The following IFNLR1 variants were observed in gnomAD, a reference collection of about 807,000 sequenced individuals.
The protein encoded by IFNLR1 is interferon lambda receptor 1.
Under a neutral mutation model 52.5 loss-of-function variants are expected in IFNLR1, and 28 were observed. That is an observed-to-expected ratio of 0.53 (90% CI 0.40 to 0.73). The LOEUF is 0.73. Ranked by LOEUF, IFNLR1 falls within the 30% of genes least tolerant of loss-of-function variation. The pLI is 0.00. For missense variants in IFNLR1, 623 were observed against 659.1 expected (o/e 0.95, Z 0.60); for synonymous variants, 276 against 274.9 (o/e 1.00, Z -0.04).
chr1:24,158,760 C>T (rs1176736598), intron 6 of IFNLR1, among the ~76,000 whole-genome samples: 1 of 152,198 alleles, frequency 6.6e-6, no homozygotes, highest in Non-Finnish European at 1.5e-5. Flanking sequence ...AGTGTCTCTC[C>T]TGAGGTCCAA....
intron 4 of IFNLR1, among the ~76,000 whole-genome samples, chr1:24,160,738 G>GT (rs372202562): frequency 1.3e-4 from 20 of 151,868 alleles, no homozygotes; most frequent in South Asian, 8.3e-4. Context: ...TTTATTTTTT[G>GT]TTTTTTTTGA....
intron 2 of IFNLR1, among the ~76,000 whole-genome samples, chr1:24,173,649 CTCTCTCTCTTTTTTTTAGAGACAGAG>C (rs1279895515): frequency 1.3e-5 from 2 of 149,816 alleles, no homozygotes; most frequent in Non-Finnish European, 3.0e-5. Context: ...CCTTCCTCCC[CTCTCTCTCTTTTTTTTAGAGACAGAG>C]TCTCACTCTG....
At chr1:24,164,434 T>A (rs1303984890) in intron 3 of IFNLR1, among the ~76,000 whole-genome samples, 1 of 152,240 alleles carries the variant, frequency 6.6e-6, no homozygotes, top group Non-Finnish European at 1.5e-5. Context: ...AGTGTTTCTG[T>A]GGATGTAAAC....
chr1:24,166,409 G>A (rs945091314), intron 3 of IFNLR1, among the ~76,000 whole-genome samples: 5 of 151,194 alleles, frequency 3.3e-5, no homozygotes, highest in African/African-American at 1.2e-4. Flanking sequence ...CTTCCTTCTT[G>A]TCTCTCCTTC....
In IFNLR1 at chr1:24,180,850, C is replaced by T; in HGVS notation, c.63G>A (p.Arg21=). ...LLCLLQAAPG[R]PRLAPPQNVT... The stretch of plus-strand genomic sequence containing the variant: ...CATTCTGGGGAGGGGCCAGACGGGG[C>T]CTCCCTGGGGGAAAGAAAGGGGTCA... Residue 21 remains arginine, a synonymous_variant, in exon 2 of 7, where the codon AGG becomes AGA. Coordinates refer to ENST00000327535, the MANE Select transcript of IFNLR1 (RefSeq NM_170743.4). The T allele has an allele frequency of 6.2e-7, 1 of 1,613,072 alleles. No individual in the cohort carries two copies.
chr1:24,154,524 T>A lies in IFNLR1; in HGVS notation c.*2606A>T, dbSNP rs1365240459. On this transcript the variant is annotated 3_prime_UTR_variant, in exon 7 of 7. Coordinates refer to ENST00000327535, the MANE Select transcript of IFNLR1 (RefSeq NM_170743.4). ...TCCTGGCTTTTTGTGAATGACTTAA[T>A]GACGATAAAGGAGATGGAGTTTAGA... 1 of 152,208 alleles carries A rather than the reference T, an allele frequency of 6.6e-6. No individual in the cohort carries two copies. Among genetic ancestry groups the A allele is most frequent in the Admixed American group, 6.5e-5 (1 of 15,282 alleles). The allele number at this position is 152,208 out of a possible 1,614,324, so 9.4% of individuals were successfully genotyped here. A position where few individuals can be genotyped will look rare whatever the true frequency, so the allele number is the denominator to read the frequency against.
intron 3 of IFNLR1, among the ~76,000 whole-genome samples, chr1:24,161,943 T>A (rs538705433): frequency 6.6e-6 from 1 of 152,342 alleles, no homozygotes; most frequent in Non-Finnish European, 1.5e-5. Flanking sequence ...CTGACCTGCC[T>A]TCTCTCATGC....
chr1:24,166,185 CCAT>C (rs1237783655), intron 3 of IFNLR1, among the ~76,000 whole-genome samples: 2 of 151,554 alleles, frequency 1.3e-5, no homozygotes, highest in Non-Finnish European at 2.9e-5. Flanking sequence ...TCCCATCCAT[CCAT>C]CCATCCATCC....
chr1:24,168,355 C>G (rs1390085675), intron 3 of IFNLR1, among the ~76,000 whole-genome samples: 2 of 152,186 alleles, frequency 1.3e-5, no homozygotes, highest in Non-Finnish European at 2.9e-5. Context: ...CTGTGAGAAG[C>G]CCGGGCAGCA....
chr1:24,166,826 C>G (rs1644525379), intron 3 of IFNLR1, among the ~76,000 whole-genome samples: 1 of 152,156 alleles, frequency 6.6e-6, no homozygotes, highest in South Asian at 2.1e-4. Flanking sequence ...ATCTTCCCAC[C>G]TTGGCCTCCC....
chr1:24,159,192 GA>G lies in IFNLR1; in HGVS notation c.671-11del. On this transcript the variant is annotated splice_polypyrimidine_tract_variant and intron_variant, in intron 5 of 6. Coordinates refer to ENST00000327535, the MANE Select transcript of IFNLR1 (RefSeq NM_170743.4). ...AAAGCCCAGTTGGCTTCTAAGGAAG[GA>G]AAAATAACAATGAGAGAAACAACAA... is the stretch of plus-strand genomic sequence containing the variant. 1 of 1,613,248 alleles carries G rather than the reference GA, an allele frequency of 6.2e-7. No individual in the cohort carries two copies. Among genetic ancestry groups the G allele is most frequent in the Non-Finnish European group, 8.5e-7 (1 of 1,179,730 alleles).
At chr1:24,175,273 C>T (rs940446373) in intron 2 of IFNLR1, among the ~76,000 whole-genome samples, 4 of 152,210 alleles carry the variant, frequency 2.6e-5, no homozygotes, top group East Asian at 1.9e-4. Flanking sequence ...ACCAGTGACT[C>T]GAGGGTAGGG....
Position 24,157,901 on chromosome 1 carries a change from G to A in IFNLR1, c.802-10C>T. 1 of 1,542,090 alleles carries A rather than the reference G, an allele frequency of 6.5e-7. No homozygotes were observed. The highest frequency in any genetic ancestry group is 2.3e-5 in the East Asian group (1 of 44,094). On this transcript the variant is annotated splice_polypyrimidine_tract_variant and intron_variant, in intron 6 of 6. Transcript: ENST00000327535. This position sits in a 1 kb window ranked among gnomAD's most constrained non-coding sequence, Gnocchi z 5.1. ...TGTGTCCAGAAAAGTCCTGATTTGG[G>A]TAGGGGAGAGAAAAGCAGAAAATTT...
chr1:24,161,577 C>T lies in IFNLR1; in HGVS notation c.475G>A (p.Glu159Lys). 1 of 1,556,164 alleles carries T rather than the reference C, an allele frequency of 6.4e-7. No homozygotes were observed. The highest frequency in any genetic ancestry group is 8.7e-7 in the Non-Finnish European group (1 of 1,148,776). The change falls in exon 4 of 7, where the codon GAG becomes AAG. Residue 159 changes from glutamate to lysine, a missense_variant. Coordinates refer to ENST00000327535, the MANE Select transcript of IFNLR1 (RefSeq NM_170743.4). Reference protein sequence around the residue: ...PCMPPLDLKYEVAFWKEGAGN... With the variant: ...PCMPPLDLKYKVAFWKEGAGN... ...GCCCCCTCCTTCCAGAATGCCACCT[C>T]ATACTTCAGATCCAGTGGGGGCATG...
chr1:24,159,294 C>T, intron 5 of IFNLR1, 112 bp from the exon 6 acceptor site: 1 of 1,394,502 alleles, frequency 7.2e-7, no homozygotes, highest in South Asian at 1.3e-5. Context: ...AAGAATAAAC[C>T]CATCCTGCAG....
In IFNLR1 at chr1:24,157,471, C is replaced by A. The variant is rs1202408113; in HGVS notation, c.1222G>T (p.Ala408Ser). The A allele has an allele frequency of 1.9e-6, 3 of 1,613,520 alleles. No homozygotes were observed. Among genetic ancestry groups the A allele is most frequent in the Non-Finnish European group, 2.5e-6 (3 of 1,179,742 alleles). Residue 408 changes from alanine to serine, a missense_variant, in exon 7 of 7, where the codon GCT becomes TCT. Transcript: ENST00000327535. The surrounding 1 kb of genome is among the most constrained non-coding windows in gnomAD (Gnocchi z 5.1). ...GGCCCTTGGCCTGGCCCCTTCTCAG[C>A]CAAATAGCCAGAGGACCCAGCCCTG... The part of the protein sequence containing the change: ...WDRAGSSGYL[A>S]EKGPGQGPGG...
chr1:24,174,891 G>A (rs898872038), intron 2 of IFNLR1, among the ~76,000 whole-genome samples: 4 of 152,118 alleles, frequency 2.6e-5, no homozygotes, highest in African/African-American at 9.7e-5. Context: ...GAGAAAGCAT[G>A]TTCTGGGGAG....
At chr1:24,179,776 G>C (rs142147987) in intron 2 of IFNLR1, among the ~76,000 whole-genome samples, 1 of 152,166 alleles carries the variant, frequency 6.6e-6, no homozygotes, top group Non-Finnish European at 1.5e-5. Flanking sequence ...GGCACAGGAC[G>C]GGTCCTGAGG....
In IFNLR1 at chr1:24,183,817, C is replaced by A. The variant is rs1006345660; in HGVS notation, c.59-2963G>T. Among the ~76,000 whole-genome samples the A allele has an allele frequency of 5.9e-5, 9 of 152,342 alleles. No individual in the cohort carries two copies. In the East Asian group the frequency reaches 1.5e-3, roughly 26 times the overall value. On this transcript the variant is annotated intron_variant, in intron 1 of 6. Transcript: ENST00000327535. ...CAATCTCAGCTCACTGCAACCTCCA[C>A]CTCCCGGGTTCAAGCGATTCTCCTG...
Sources: gnomAD v4.1 joint callset for allele counts (sites outside exome capture counted in the v4.1 genomes callset) on GRCh38, gnomAD v4.1.1 for gene constraint, Gnocchi (gnomAD v3.1) non-coding constraint, MANE v1.5 for transcripts, NCBI Gene and HGNC (gene_info 2026-07-23, HGNC 2026-07-21) for gene names.